CUL9: variants seen among roughly 807,000 people sequenced by gnomAD.
The protein encoded by CUL9 is cullin-9.
CUL9 carries 79 observed loss-of-function variants against 272.6 expected under a neutral mutation model. The ratio of observed to expected loss-of-function variants is 0.29; its 90% CI spans 0.24 to 0.35. CUL9 has a LOEUF of 0.35. Ranked by LOEUF, CUL9 falls within the 10% of genes least tolerant of loss-of-function variation. The probability of loss-of-function intolerance (pLI) is 1.00; values close to 1 mark genes in which losing one functional copy is unlikely to be tolerated. For synonymous variants in CUL9, 1,186 were observed against 1,286.5 expected, an observed-to-expected ratio of 0.92 and a Z score of 1.67; for missense variants, 2,532 against 3,255.6, an observed-to-expected ratio of 0.78 and a Z score of 5.41.
chr6:43,201,112 G>A (rs925681280), intron 16 of CUL9, among the ~76,000 whole-genome samples: 2 of 152,182 alleles, frequency 1.3e-5, no homozygotes. Flanking sequence ...TCTCCTTTGG[G>A]CATTTGCTTA....
intron 20 of CUL9, 81 bp downstream of exon 20, chr6:43,204,068 C>T: frequency 6.0e-6 from 9 of 1,496,544 alleles, no homozygotes; most frequent in Non-Finnish European, 8.1e-6. Flanking sequence ...GCTCTTGGTT[C>T]TTTTGGTTCC....
chr6:43,203,480 C>T lies in CUL9; in HGVS notation c.3913C>T (p.Leu1305=). The T allele has an allele frequency of 6.2e-7, 1 of 1,614,206 alleles. No individual in the cohort carries two copies. The highest frequency in any genetic ancestry group is 8.5e-7 in the Non-Finnish European group (1 of 1,180,040). The change falls in exon 19 of 41, where the codon CTG becomes TTG. Residue 1305 remains leucine, a synonymous_variant. Coordinates refer to ENST00000252050, the MANE Select transcript of CUL9 (RefSeq NM_015089.4). This position sits in a 1 kb window ranked among gnomAD's most constrained non-coding sequence, Gnocchi z 5.0. ...VLGPKPTFWP[L]FREQLCRRTC... ...GGGCCCTAAGCCCACATTCTGGCCACTGTTCCGGGAGCAGCTGTGTCGCCG... is the reference window on the plus strand; with the variant it reads ...GGGCCCTAAGCCCACATTCTGGCCATTGTTCCGGGAGCAGCTGTGTCGCCG...
chr6:43,186,127 A>C lies in CUL9; in HGVS notation c.923A>C (p.Asn308Thr). The C allele has an allele frequency of 6.2e-7, 1 of 1,614,214 alleles. No individual in the cohort carries two copies. The highest frequency in any genetic ancestry group is 1.1e-5 in the South Asian group (1 of 91,088). ...CTGGAGTTCAGCATGGCTGTGGGCAACCTCATCTCTGAGCTTGTGCGGAGC... is the reference window on the plus strand; with the variant it reads ...CTGGAGTTCAGCATGGCTGTGGGCACCCTCATCTCTGAGCTTGTGCGGAGC... ...RELEFSMAVG[N>T]LISELVRSMG... is the part of the protein sequence containing the mutation. Residue 308 changes from asparagine (N) to threonine (T), a missense_variant, in exon 4 of 41, where the codon AAC (asparagine) becomes ACC (threonine). Coordinates refer to ENST00000252050, the MANE Select transcript of CUL9 (RefSeq NM_015089.4).
In CUL9 at chr6:43,188,581, A is replaced by G; in HGVS notation, c.2046A>G (p.Ala682=). 5 of 1,614,134 alleles carry G rather than the reference A, an allele frequency of 3.1e-6. No individual in the cohort carries two copies. The highest frequency in any genetic ancestry group is 4.2e-6 in the Non-Finnish European group (5 of 1,180,016). ...GPRSSLDQHV[A]AVVATVQISS... is the part of the protein sequence containing the mutation. ...GCAGCTCCCTGGATCAGCATGTGGC[A>G]GCGGTCGTGGCCACTGTGCAGATAT... Residue 682 remains alanine (A), a synonymous_variant, in exon 8 of 41, where the codon GCA becomes GCG. Transcript: ENST00000252050.
chr6:43,187,383 T>C lies in CUL9; in HGVS notation c.1525T>C (p.Leu509=), dbSNP rs767457457. ...WWELLFFIKK[L]DLCEQQPIFQ... ...GGAGCTGCTTTTCTTTATCAAAAAG[T>C]TGGACTTGTGTGAGCAGCAGCCAAT... The change falls in exon 6 of 41, where the codon TTG becomes CTG. Residue 509 remains leucine, a synonymous_variant. Transcript: ENST00000252050. The C allele has an allele frequency of 1.2e-6, 2 of 1,614,034 alleles. No individual in the cohort carries two copies. The highest frequency in any genetic ancestry group is 1.1e-5 in the South Asian group (1 of 91,080).
intron 10 of CUL9, 76 bp downstream of exon 10, chr6:43,196,341 T>G: frequency 7.2e-7 from 1 of 1,391,502 alleles, no homozygotes; most frequent in Non-Finnish European, 9.8e-7. Context: ...CAGGCTCATG[T>G]ACTCCACAGA....
intron 9 of CUL9, 116 bp from the exon 10 acceptor site, chr6:43,195,953 C>T (rs1224171689): frequency 4.0e-6 from 3 of 752,466 alleles, no homozygotes; most frequent in South Asian, 1.8e-5. Context: ...CTGTCTCCTA[C>T]TCTACCTATC....
In CUL9 at chr6:43,220,656, G is replaced by A. The variant is rs1776283582; in HGVS notation, c.6423+57G>A. The A allele has an allele frequency of 8.1e-5, 131 of 1,608,346 alleles. 2 individuals are homozygous for A. The South Asian group carries it at 1.4e-3, about 17-fold the overall frequency. ...GCAGAGCCAAAGGAGTGTGCCCCAG[G>A]GAGTGGGCTGAGCTATGGGGTGCTG... On this transcript the variant is annotated intron_variant, in intron 32 of 40. Transcript: ENST00000252050. This position sits in a 1 kb window ranked among gnomAD's most constrained non-coding sequence, Gnocchi z 4.9.
At position 43,220,519 on chromosome 6, in the gene CUL9, T is replaced by A. The variant is rs376022783; in HGVS notation, c.6343T>A (p.Cys2115Ser). The change falls in exon 32 of 41, where the codon TGC becomes AGC. Residue 2115 changes from cysteine (C) to serine (S), a missense_variant. Physicochemically the swap from Cys to Ser is moderately radical, Grantham distance 112 (BLOSUM62 -1). Transcript: ENST00000252050. The surrounding 1 kb of genome is among the most constrained non-coding windows in gnomAD (Gnocchi z 4.9). The stretch of plus-strand genomic sequence containing the variant: ...GCAGAACCTTGTTTTGAATTGCACC[T>A]GCCCCATTGCCGACTGCCCCGCCCA... The part of the protein sequence containing the change: ...IEQNLVLNCT[C>S]PIADCPAQPT... 5 of 1,614,152 alleles carry A rather than the reference T, an allele frequency of 3.1e-6. No homozygotes were observed. Among genetic ancestry groups the A allele is most frequent in the Non-Finnish European group, 4.2e-6 (5 of 1,180,004 alleles).
Position 43,186,268 on chromosome 6 carries a change from C to A in CUL9, c.1064C>A (p.Thr355Asn). The A allele has an allele frequency of 6.2e-7, 1 of 1,614,222 alleles. No homozygotes were observed. The highest frequency in any genetic ancestry group is 8.5e-7 in the Non-Finnish European group (1 of 1,180,048). The change falls in exon 4 of 41, where the codon ACC becomes AAC. Residue 355 changes from threonine (T) to asparagine (N), a missense_variant. Physicochemically the swap from Thr to Asn is moderately conservative, Grantham distance 65. Coordinates refer to ENST00000252050, the MANE Select transcript of CUL9 (RefSeq NM_015089.4). ...CTTTTACTCCCCACCATTGTCACCA[C>A]CCCCAGAAGACAAGGGTGGGTCTTC... ...PSLLLPTIVT[T>N]PRRQGWVFRQ...
chr6:43,222,168 T>C, intron 35 of CUL9, 148 bp from the exon 36 acceptor site: 1 of 696,334 alleles, frequency 1.4e-6, no homozygotes, highest in South Asian at 1.7e-5. Context: ...GGGTGAATAA[T>C]ATGACCTACT....
At position 43,220,812 on chromosome 6, in the gene CUL9, C is replaced by T. The variant is rs534453080; in HGVS notation, c.6489C>T (p.Pro2163=). 11 of 1,613,660 alleles carry T rather than the reference C, an allele frequency of 6.8e-6. No homozygotes were observed. The African/African-American group carries it at 1.1e-4, about 16-fold the overall frequency. ...CCAACCTGACCTGGTGCACCAACCC[C>T]CAGGGCTGCGACCGCATCCTGTGCC... ...SCSNLTWCTN[P]QGCDRILCRQ... is the part of the protein sequence containing the mutation. Residue 2163 remains proline, a synonymous_variant, in exon 33 of 41, where the codon CCC becomes CCT. Coordinates refer to ENST00000252050, the MANE Select transcript of CUL9 (RefSeq NM_015089.4). The surrounding 1 kb of genome is among the most constrained non-coding windows in gnomAD (Gnocchi z 4.9).
In CUL9 at chr6:43,224,141, C is replaced by T; in HGVS notation, c.7331C>T (p.Ala2444Val). The T allele has an allele frequency of 6.2e-7, 1 of 1,614,198 alleles. No individual in the cohort carries two copies. Among genetic ancestry groups the T allele is most frequent in the Non-Finnish European group, 8.5e-7 (1 of 1,180,040 alleles). Reference sequence around the variant, plus strand: ...AGTCCATCAGTAGAGGCCTGGGAGGCAAAAGGACCCAACATGCCTGGCAGT... The same window carrying T: ...AGTCCATCAGTAGAGGCCTGGGAGGTAAAAGGACCCAACATGCCTGGCAGT... ...LQSPSVEAWEAKGPNMPGSQP... is the reference protein window; with the variant it reads ...LQSPSVEAWEVKGPNMPGSQP... Residue 2444 changes from alanine (A) to valine (V), a missense_variant, in exon 40 of 41, where the codon GCA becomes GTA. Around this residue, in one of 3 missense-constraint regions of CUL9, gnomAD observed 237 missense variants for 305.9 expected, o/e 0.77. Coordinates refer to ENST00000252050, the MANE Select transcript of CUL9 (RefSeq NM_015089.4). This position sits in a 1 kb window ranked among gnomAD's most constrained non-coding sequence, Gnocchi z 4.2.
rs148704073 is a variant in CUL9, at chr6:43,183,717, C to T, written c.-9-585C>T. ...CCCTTCCTTCCTTTCTTCCTTCCTT[C>T]CTTCCTTCCTTCCTTCCTTCCTCTC... On this transcript the variant is annotated intron_variant, in intron 1 of 40. Transcript: ENST00000252050. Among the ~76,000 whole-genome samples the T allele has an allele frequency of 3.7e-3, 565 of 151,020 alleles. 4 individuals are homozygous for T. The highest frequency in any genetic ancestry group is 0.02 in the East Asian group (102 of 5,154).
rs1419302585 is a variant in CUL9 at position 43,223,482 on chromosome 6, C to T, written c.7284+85C>T. On this transcript the variant is annotated intron_variant, in intron 39 of 40. Transcript: ENST00000252050. This position sits in a 1 kb window ranked among gnomAD's most constrained non-coding sequence, Gnocchi z 4.1. ...TCCCAGCACAGCCCCTGCCCTGGGG[C>T]GAGTCCAGAAGGAAAGGCAGCAAAG... 40 of 1,479,522 alleles carry T rather than the reference C, an allele frequency of 2.7e-5. No homozygotes were observed. The highest frequency in any genetic ancestry group is 3.3e-5 in the Non-Finnish European group (36 of 1,106,314). 91.6% of individuals were successfully genotyped at this position (1,479,522 alleles called of 1,614,324 possible). A position where few individuals can be genotyped will look rare whatever the true frequency, so the allele number is the denominator to read the frequency against.
chr6:43,185,788 CTG>C (rs1263419032), intron 3 of CUL9, among the ~76,000 whole-genome samples, 165 bp from the exon 4 acceptor site: 2 of 152,218 alleles, frequency 1.3e-5, no homozygotes, highest in African/African-American at 4.8e-5. Flanking sequence ...ACCCAGGAAT[CTG>C]TGTTTTAAGA....
Position 43,187,847 on chromosome 6 carries a change from T to C in CUL9, c.1716T>C (p.Tyr572=). The change falls in exon 7 of 41, where the codon TAT becomes TAC. Residue 572 remains tyrosine, a synonymous_variant. Coordinates refer to ENST00000252050, the MANE Select transcript of CUL9 (RefSeq NM_015089.4). ...DLLNSQIYTK[Y]GLLSNEPSSS... ...TCAACTCCCAGATCTACACCAAGTA[T>C]GGGCTGCTGTCTAATGAACCAAGCA... 6.2e-7 allele frequency: 1 copy of C among 1,614,036 alleles called. No homozygotes were observed. Among genetic ancestry groups the C allele is most frequent in the Non-Finnish European group, 8.5e-7 (1 of 1,180,010 alleles).
At chr6:43,209,791 G>A (rs1210632161) in intron 26 of CUL9, among the ~76,000 whole-genome samples, 2 of 151,474 alleles carry the variant, frequency 1.3e-5, no homozygotes, top group East Asian at 2.0e-4. Flanking sequence ...GACCATAGGC[G>A]TGTGCCACCA....
intron 8 of CUL9, 162 bp downstream of exon 8, chr6:43,188,877 G>C (rs980406914): frequency 1.7e-6 from 1 of 581,768 alleles, no homozygotes. Context: ...TTAATGGCTC[G>C]TATTCTTGGA....
Sources: gnomAD v4.1 joint callset for allele counts (sites outside exome capture counted in the v4.1 genomes callset) on GRCh38, gnomAD v4.1.1 for gene constraint, gnomAD v4.1.1 regional missense constraint, Gnocchi (gnomAD v3.1) non-coding constraint, MANE v1.5 for transcripts, NCBI Gene and HGNC (gene_info 2026-07-23, HGNC 2026-07-21) for gene names.